SESN2: variants seen among roughly 807,000 people sequenced by gnomAD.
The protein encoded by SESN2 is sestrin-2.
A neutral mutation model predicts 56.0 loss-of-function variants in SESN2; 42 were observed. The observed-to-expected ratio is 0.75, with a 90% confidence interval of 0.59 to 0.97. SESN2 has a LOEUF of 0.97. Ranked by LOEUF, SESN2 falls within the 50% of genes least tolerant of loss-of-function variation. The probability of loss-of-function intolerance (pLI) is 0.00; values close to 1 mark genes in which losing one functional copy is unlikely to be tolerated. For missense variants in SESN2, 507 were observed against 649.4 expected, an observed-to-expected ratio of 0.78 and a Z score of 2.38; for synonymous variants, 264 against 267.1, an observed-to-expected ratio of 0.99 and a Z score of 0.11.
chr1:28,262,654 C>T (rs1022977263), intron 1 of SESN2, among the ~76,000 whole-genome samples: 13 of 137,300 alleles, frequency 9.5e-5, no homozygotes, highest in Non-Finnish European at 1.7e-4. Flanking sequence ...CCAGGCTGGG[C>T]GCGGTGGCTC....
At chr1:28,269,160 T>C (rs1647666907) in intron 1 of SESN2, 23 bp from the exon 2 acceptor site, 2 of 1,593,926 alleles carry the variant, frequency 1.3e-6, no homozygotes, top group Non-Finnish European at 1.7e-6. Flanking sequence ...TACTACGGAC[T>C]AACCTCATAT....
At chr1:28,260,207 C>T (rs1312466175) in intron 1 of SESN2, among the ~76,000 whole-genome samples, 9 of 151,348 alleles carry the variant, frequency 5.9e-5, no homozygotes, top group African/African-American at 2.2e-4. Context: ...GCCGCGGATC[C>T]TTCCTCGGCT....
At chr1:28,265,149 G>T (rs1288321013) in intron 1 of SESN2, among the ~76,000 whole-genome samples, 1 of 152,140 alleles carries the variant, frequency 6.6e-6, no homozygotes, top group East Asian at 1.9e-4. Context: ...TTAGCCAGTG[G>T]TAACCAGCCT....
chr1:28,263,291 T>A (rs138146345), intron 1 of SESN2, among the ~76,000 whole-genome samples: 128 of 152,218 alleles, frequency 8.4e-4, no homozygotes, highest in East Asian at 5.0e-3. Context: ...TCTGGGTGGT[T>A]GGGAGGAATT....
intron 9 of SESN2, among the ~76,000 whole-genome samples, chr1:28,280,499 C>T (rs1370397005): frequency 2.6e-5 from 4 of 152,244 alleles, no homozygotes; most frequent in African/African-American, 9.6e-5. Context: ...AGCCACCGCA[C>T]CTGGCCATTT....
chr1:28,269,010 T>G (rs528563628), intron 1 of SESN2, among the ~76,000 whole-genome samples, 173 bp from the exon 2 acceptor site: 1 of 152,362 alleles, frequency 6.6e-6, no homozygotes, highest in African/African-American at 2.4e-5. Flanking sequence ...CTTTCTTGAT[T>G]ACCCTTCCAA....
chr1:28,280,408 A>T (rs760254086), intron 9 of SESN2, among the ~76,000 whole-genome samples: 1 of 152,142 alleles, frequency 6.6e-6, no homozygotes, highest in Non-Finnish European at 1.5e-5. Flanking sequence ...GGGTTTCACT[A>T]TGTTGGCCAG....
chr1:28,268,399 C>T (rs2149037414), intron 1 of SESN2, among the ~76,000 whole-genome samples: 1 of 152,218 alleles, frequency 6.6e-6, no homozygotes, highest in African/African-American at 2.4e-5. Context: ...GGCGTGGTGG[C>T]TCATTCCAGT....
intron 8 of SESN2, among the ~76,000 whole-genome samples, chr1:28,276,033 G>T (rs1648026171): frequency 6.6e-6 from 1 of 152,090 alleles, no homozygotes; most frequent in South Asian, 2.1e-4. Context: ...TGTAGTTCCA[G>T]CTACTTAGGA....
Position 28,280,852 on chromosome 1 carries a change from G to A in SESN2, c.*50G>A, listed in dbSNP as rs1168889678. ...TTCAGCTCCCCACAAGGACTTCTCT[G>A]TCTGGAGACAGCCCCAGACCCTTTT... On this transcript the variant is annotated 3_prime_UTR_variant, in exon 10 of 10. Coordinates refer to ENST00000253063, the MANE Select transcript of SESN2 (RefSeq NM_031459.5). The A allele has an allele frequency of 7.0e-7, 1 of 1,426,664 alleles. No homozygotes were observed. The highest frequency in any genetic ancestry group is 1.7e-5 in the Admixed American group (1 of 59,664). The allele number at this position is 1,426,664 out of a possible 1,614,324, so 88.4% of individuals were successfully genotyped here.
At chr1:28,276,570 C>CTTTTTTTTTTTTTTTT (rs57474365) in intron 8 of SESN2, among the ~76,000 whole-genome samples, 1 of 94,734 alleles carries the variant, frequency 1.1e-5, no homozygotes, top group Non-Finnish European at 2.1e-5. Flanking sequence ...TTTTTCTTTC[C>CTTTTTTTTTTTTTTTT]TTTTTTTTTT....
chr1:28,274,762 T>C (rs980674455), intron 7 of SESN2, 63 bp from the exon 8 acceptor site: 21 of 1,274,498 alleles, frequency 1.6e-5, no homozygotes, highest in Admixed American at 7.7e-5. Context: ...GTCCAGAGGA[T>C]GGGGGTCTCT....
At chr1:28,267,047 T>C (rs955581323) in intron 1 of SESN2, among the ~76,000 whole-genome samples, 5 of 152,156 alleles carry the variant, frequency 3.3e-5, no homozygotes, top group African/African-American at 7.2e-5. Flanking sequence ...TCCCCCAGTT[T>C]TGCTCCACCC....
Position 28,281,611 on chromosome 1 carries a change from GGA to G in SESN2, c.*812_*813del, listed in dbSNP as rs1648244012. On this transcript the variant is annotated 3_prime_UTR_variant, in exon 10 of 10. Transcript: ENST00000253063. ...ACAGTGTGTGAGAGGAGGAGGAGAG[GGA>G]GAATTCTGTTCTCCCAGAGCTGCAC... 6.6e-6 allele frequency: 1 copy of G among 152,186 alleles called. No individual in the cohort carries two copies. The highest frequency in any genetic ancestry group is 2.4e-5 in the African/African-American group (1 of 41,430). 9.4% of individuals were successfully genotyped at this position (152,186 alleles called of 1,614,324 possible).
At chr1:28,274,467 G>C (rs1483712248) in intron 7 of SESN2, among the ~76,000 whole-genome samples, 1 of 152,138 alleles carries the variant, frequency 6.6e-6, no homozygotes, top group Non-Finnish European at 1.5e-5. Flanking sequence ...GGAGATCAAG[G>C]CTGCAGTGAG....
In SESN2 at chr1:28,262,621, C is replaced by CAAAA. The variant is rs71027268; in HGVS notation, c.90+2703_90+2706dup. On this transcript the variant is annotated intron_variant, in intron 1 of 9. Coordinates refer to ENST00000253063, the MANE Select transcript of SESN2 (RefSeq NM_031459.5). Reference sequence around the variant, plus strand: ...TGGGTGACAGAGCAAGAGTCTGTCTCAAAAAAAAAAAAAAAAAAAAAACCA... The same window carrying CAAAA: ...TGGGTGACAGAGCAAGAGTCTGTCTCAAAAAAAAAAAAAAAAAAAAAAAAAACCA... Among the ~76,000 whole-genome samples the CAAAA allele has an allele frequency of 1.8e-3, 96 of 52,474 alleles. 7 individuals carry two copies. Among genetic ancestry groups the CAAAA allele is most frequent in the African/African-American group, 4.0e-3 (43 of 10,650 alleles). 34.4% of individuals were successfully genotyped at this position (52,474 alleles called of 152,430 possible).
chr1:28,274,192 C>A, intron 7 of SESN2, 34 bp downstream of exon 7: 1 of 1,358,770 alleles, frequency 7.4e-7, no homozygotes, highest in South Asian at 1.2e-5. Context: ...GGCCATTGCT[C>A]CACATTTACG....
intron 1 of SESN2, among the ~76,000 whole-genome samples, chr1:28,260,587 TCGCGGCTTCCGAAGCCAAG>T (rs1647340837): frequency 1.3e-5 from 2 of 152,148 alleles, no homozygotes; most frequent in Admixed American, 1.3e-4. Flanking sequence ...ACAACCCTGG[TCGCGGCTTCCGAAGCCAAG>T]CGCGGGTTAG....
At chr1:28,266,556 C>CTT (rs71586835) in intron 1 of SESN2, among the ~76,000 whole-genome samples, 19,794 of 116,862 alleles carry the variant, frequency 0.17, 2,138 homozygotes, top group Non-Finnish European at 0.23. Context: ...AGAGCCCCAT[C>CTT]TTTTTTTTTT....
Sources: allele counts gnomAD v4.1 joint callset (sites outside exome capture counted in the v4.1 genomes callset), GRCh38; gene constraint gnomAD v4.1.1; transcripts MANE v1.5; gene names NCBI Gene and HGNC (gene_info 2026-07-23, HGNC 2026-07-21).